The following PARVA variants were observed in gnomAD, a reference collection of about 807,000 sequenced individuals.
PARVA encodes alpha-parvin.
A neutral mutation model predicts 52.6 loss-of-function variants in PARVA; 25 were observed. The ratio of observed to expected loss-of-function variants is 0.48; its 90% CI spans 0.35 to 0.66. The LOEUF (loss-of-function observed/expected upper bound fraction) is 0.66. PARVA is among the 30% of genes least tolerant of loss of function. The probability of loss-of-function intolerance (pLI) is 0.01; values close to 1 mark genes in which losing one functional copy is unlikely to be tolerated. For synonymous variants in PARVA, 185 were observed against 179.1 expected (o/e 1.03, Z -0.26); for missense variants, 373 against 450.9 (o/e 0.83, Z 1.56).
chr11:12,413,142 G>A (rs1356975253), intron 1 of PARVA, among the ~76,000 whole-genome samples: 1 of 152,228 alleles, frequency 6.6e-6, no homozygotes, highest in East Asian at 1.9e-4. Context: ...AGGGGAATTA[G>A]GCCAGGATAA....
chr11:12,487,018 CAG>C (rs1369469555), intron 4 of PARVA, among the ~76,000 whole-genome samples: 1 of 152,096 alleles, frequency 6.6e-6, no homozygotes, highest in African/African-American at 2.4e-5. Flanking sequence ...GGGAGATGCT[CAG>C]AGAGAGTGGA....
chr11:12,387,888 T>G (rs185226642), intron 1 of PARVA, among the ~76,000 whole-genome samples: 138 of 152,102 alleles, frequency 9.1e-4, no homozygotes, highest in African/African-American at 3.2e-3. Flanking sequence ...AGGACTAAGG[T>G]AAAAGAGCCC....
At chr11:12,440,898 C>T (rs555758985) in intron 1 of PARVA, among the ~76,000 whole-genome samples, 6 of 152,324 alleles carry the variant, frequency 3.9e-5, no homozygotes, top group South Asian at 2.1e-4. Flanking sequence ...GTTAGGTTTA[C>T]GCAGATCATC....
intron 1 of PARVA, among the ~76,000 whole-genome samples, chr11:12,379,916 A>G (rs981193873): frequency 2.0e-5 from 3 of 152,154 alleles, no homozygotes; most frequent in East Asian, 3.9e-4. Context: ...CCAGTTTAAG[A>G]TGGGGCAACT....
At chr11:12,491,188 G>A (rs955252257) in intron 4 of PARVA, among the ~76,000 whole-genome samples, 1 of 152,042 alleles carries the variant, frequency 6.6e-6, no homozygotes, top group Non-Finnish European at 1.5e-5. Context: ...TTTGAGACAG[G>A]GTCTTGCTCT....
intron 1 of PARVA, among the ~76,000 whole-genome samples, chr11:12,397,206 T>C (rs1365859105): frequency 1.3e-5 from 2 of 152,182 alleles, no homozygotes; most frequent in East Asian, 3.8e-4. Flanking sequence ...TGAAAGATAA[T>C]TTATTTAATC....
At chr11:12,467,349 A>G (rs1299150858) in intron 1 of PARVA, among the ~76,000 whole-genome samples, 3 of 152,108 alleles carry the variant, frequency 2.0e-5, no homozygotes, top group Non-Finnish European at 1.5e-5. Flanking sequence ...CTTCCTTCCC[A>G]ATCTGTATAC....
At chr11:12,384,869 A>G (rs543997418) in intron 1 of PARVA, among the ~76,000 whole-genome samples, 6 of 152,286 alleles carry the variant, frequency 3.9e-5, no homozygotes, top group Non-Finnish European at 8.8e-5. Context: ...CCTGGAAGCC[A>G]TTGTAAAACT....
intron 1 of PARVA, among the ~76,000 whole-genome samples, chr11:12,446,965 C>T (rs1940555729): frequency 6.6e-6 from 1 of 152,214 alleles, no homozygotes; most frequent in South Asian, 2.1e-4. Flanking sequence ...AATTCCCATA[C>T]AGGATGAGTA....
intron 1 of PARVA, among the ~76,000 whole-genome samples, chr11:12,442,068 A>C (rs1260054105): frequency 1.3e-5 from 2 of 152,242 alleles, no homozygotes; most frequent in African/African-American, 4.8e-5. Context: ...CTACCAATCC[A>C]AACTTTACTT....
chr11:12,522,418 ATTCT>A (rs755413249), intron 12 of PARVA, among the ~76,000 whole-genome samples: 11 of 76,236 alleles, frequency 1.4e-4, no homozygotes. Flanking sequence ...CAAGAGCTTT[ATTCT>A]TTTTTTTTTT....
intron 1 of PARVA, among the ~76,000 whole-genome samples, chr11:12,449,131 T>C (rs1215916069): frequency 6.6e-6 from 1 of 151,678 alleles, no homozygotes; most frequent in Non-Finnish European, 1.5e-5. Flanking sequence ...GGGGCATTTA[T>C]TTATTTATTT....
In PARVA at chr11:12,531,012, C is replaced by G. The variant is rs1171967764; in HGVS notation, c.*3087C>G. 2.6e-5 allele frequency among the ~76,000 whole-genome samples: 4 copies of G among 152,138 alleles called. No homozygotes were observed. The highest frequency in any genetic ancestry group is 5.9e-5 in the Non-Finnish European group (4 of 68,040). On this transcript the variant is annotated 3_prime_UTR_variant, in exon 13 of 13. Transcript: ENST00000334956. ...AATGTTTTTAAGTCCTCTTTTGGAA[C>G]CTTATGGTGAATTGTATGCAGATTG... is the stretch of plus-strand genomic sequence containing the variant.
intron 1 of PARVA, among the ~76,000 whole-genome samples, chr11:12,387,878 A>G (rs1412429886): frequency 6.6e-6 from 1 of 152,130 alleles, no homozygotes; most frequent in Non-Finnish European, 1.5e-5. Context: ...TATATGAAGG[A>G]GGACTAAGGT....
chr11:12,441,958 G>A (rs1296180858), intron 1 of PARVA, among the ~76,000 whole-genome samples: 1 of 152,222 alleles, frequency 6.6e-6, no homozygotes, highest in Admixed American at 6.5e-5. Flanking sequence ...GGAGTTGAAG[G>A]GAGAAGCTTG....
chr11:12,455,865 C>T (rs1473759924), intron 1 of PARVA, among the ~76,000 whole-genome samples: 1 of 152,214 alleles, frequency 6.6e-6, no homozygotes, highest in Non-Finnish European at 1.5e-5. Flanking sequence ...CATCTTTCCT[C>T]AAGTGTCCAG....
chr11:12,399,390 G>A (rs12284957), intron 1 of PARVA, among the ~76,000 whole-genome samples: 7,654 of 152,162 alleles, frequency 0.05, 631 homozygotes, highest in African/African-American at 0.18. Flanking sequence ...TGACTACTAT[G>A]CAGCTTGTGT....
chr11:12,527,309 G>GAT (rs1564871955), intron 12 of PARVA, among the ~76,000 whole-genome samples: 36 of 152,200 alleles, frequency 2.4e-4, no homozygotes, highest in Middle Eastern at 3.4e-3. Flanking sequence ...AAGGAGGGAG[G>GAT]GAGGGAGGAA....
intron 1 of PARVA, among the ~76,000 whole-genome samples, chr11:12,468,268 C>T (rs904662975): frequency 1.3e-5 from 2 of 152,194 alleles, no homozygotes; most frequent in Non-Finnish European, 2.9e-5. Context: ...ATCCCCAAAC[C>T]TGTATCACCA....
Sources: gnomAD v4.1 joint callset for allele counts (sites outside exome capture counted in the v4.1 genomes callset) on GRCh38, gnomAD v4.1.1 for gene constraint, MANE v1.5 for transcripts, NCBI Gene and HGNC (gene_info 2026-07-23, HGNC 2026-07-21) for gene names.